LHX1: variants seen among roughly 807,000 people sequenced by gnomAD.
The protein encoded by LHX1 is LIM homeobox 1, also known as LIM/homeobox protein Lhx1.
In LHX1, 9 loss-of-function variants were observed where a neutral mutation model predicts 34.1. The observed-to-expected ratio is 0.26, with a 90% CI of 0.16 to 0.46. The LOEUF is 0.46. LHX1 is among the 20% of genes least tolerant of loss of function. The pLI, the probability that LHX1 is intolerant of heterozygous loss-of-function variation, is 1.00. For missense variants in LHX1, 446 were observed against 559.1 expected, an observed-to-expected ratio of 0.80 and a Z score of 2.04; for synonymous variants, 254 against 241.5, an observed-to-expected ratio of 1.05 and a Z score of -0.48.
intron 3 of LHX1, 37 bp downstream of exon 3, chr17:36,940,924 C>T (rs775817573): frequency 1.3e-6 from 2 of 1,549,284 alleles, no homozygotes; most frequent in Non-Finnish European, 1.7e-6. Flanking sequence ...CCACAGAGGC[C>T]CACACTGCCA....
At position 36,942,353 on chromosome 17, in the gene LHX1, T is replaced by A; in HGVS notation, c.829T>A (p.Ser277Thr). The A allele has an allele frequency of 1.3e-6, 2 of 1,584,890 alleles. No homozygotes were observed. The highest frequency in any genetic ancestry group is 1.7e-6 in the Non-Finnish European group (2 of 1,166,574). Reference protein sequence around the residue: ...PGELIPNGPFSFYGDYQSEYY... With the variant: ...PGELIPNGPFTFYGDYQSEYY... ...CGAGCTCATCCCCAATGGTCCCTTC[T>A]CCTTCTACGGAGGTGGGTGCGCGCC... Residue 277 changes from serine to threonine, a missense_variant, in exon 4 of 5, where the codon TCC becomes ACC. By Grantham distance (58) the Ser-to-Thr change is moderately conservative. Coordinates refer to ENST00000614239, the MANE Select transcript of LHX1 (RefSeq NM_005568.5).
chr17:36,941,826 C>T (rs1406416173), intron 3 of LHX1, among the ~76,000 whole-genome samples: 3 of 152,038 alleles, frequency 2.0e-5, no homozygotes, highest in African/African-American at 2.4e-5. Context: ...TGCAAGAGAC[C>T]GTGAAATGGA....
rs2070757059 is a variant in LHX1 at position 36,940,417 on chromosome 17, A to G, written c.298A>G (p.Thr100Ala). 6.2e-7 allele frequency: 1 copy of G among 1,614,050 alleles called. No homozygotes were observed. Among genetic ancestry groups the G allele is most frequent in the Admixed American group, 1.7e-5 (1 of 60,012 alleles). ...CATGATGTGTAACAAGCAGCTCTCC[A>G]CTGGCGAGGAACTCTACATCATCGA... is the stretch of plus-strand genomic sequence containing the variant. ...TCMMCNKQLS[T>A]GEELYIIDEN... The change falls in exon 2 of 5, where the codon ACT (threonine) becomes GCT (alanine). Residue 100 changes from threonine (T) to alanine (A), a missense_variant. Physicochemically the swap from Thr to Ala is moderately conservative, Grantham distance 58. Transcript: ENST00000614239.
chr17:36,942,324 C>G lies in LHX1; in HGVS notation c.800C>G (p.Pro267Arg). Residue 267 changes from proline to arginine, a missense_variant, in exon 4 of 5, where the codon CCG becomes CGG. This residue lies in a region of LHX1 where 235 missense variants were observed against 224.4 expected (regional missense o/e 1.05). Coordinates refer to ENST00000614239, the MANE Select transcript of LHX1 (RefSeq NM_005568.5). ...CGGCCGCTGGTGGACCGCCTGGAGC[C>G]GGGCGAGCTCATCCCCAATGGTCCC... Reference protein sequence around the residue: ...RMRPLVDRLEPGELIPNGPFS... With the variant: ...RMRPLVDRLERGELIPNGPFS... 6.3e-7 allele frequency: 1 copy of G among 1,590,898 alleles called. No homozygotes were observed. Among genetic ancestry groups the G allele is most frequent in the East Asian group, 2.3e-5 (1 of 43,920 alleles).
intron 1 of LHX1, 31 bp from the exon 2 acceptor site, chr17:36,940,259 G>GA: frequency 3.5e-6 from 1 of 288,514 alleles, no homozygotes; most frequent in Non-Finnish European, 6.3e-6. Context: ...ACCCATCCCC[G>GA]CCCCCGCCCC....
chr17:36,942,821 A>G lies in LHX1; in HGVS notation c.911A>G (p.Gln304Arg). Reference sequence around the variant, plus strand: ...TTCCCGCAAGGCCCCCCGTCCTCGCAGGCCCAGACACCAGTGGACCTACCC... The same window carrying G: ...TTCCCGCAAGGCCCCCCGTCCTCGCGGGCCCAGACACCAGTGGACCTACCC... ...DFFPQGPPSS[Q>R]AQTPVDLPFV... Residue 304 changes from glutamine (Q) to arginine (R), a missense_variant, in exon 5 of 5, where the codon CAG becomes CGG. Coordinates refer to ENST00000614239, the MANE Select transcript of LHX1 (RefSeq NM_005568.5). 6.4e-7 allele frequency: 1 copy of G among 1,561,692 alleles called. No individual in the cohort carries two copies. The highest frequency in any genetic ancestry group is 8.7e-7 in the Non-Finnish European group (1 of 1,150,000).
chr17:36,938,659 C>T (rs2070745427), intron 1 of LHX1: 1 of 536,744 alleles, frequency 1.9e-6, no homozygotes, highest in Admixed American at 3.1e-5. Context: ...AGAGACAGGG[C>T]AGCCTCGGGC....
chr17:36,939,937 G>A (rs2142181100), intron 1 of LHX1: 1 of 464,214 alleles, frequency 2.2e-6, no homozygotes, highest in African/African-American at 2.0e-5. Context: ...GCCCACACAG[G>A]TCACTGCCTT....
At chr17:36,937,318 C>A, upstream of LHX1, 2 of 403,880 alleles carry the variant, frequency 5.0e-6, no homozygotes, top group South Asian at 1.7e-5. Context: ...ACACGGAGGC[C>A]GCCAGGCAGG....
intron 1 of LHX1, 86 bp downstream of exon 1, chr17:36,938,453 G>A (rs1049508303): frequency 1.4e-6 from 2 of 1,395,326 alleles, no homozygotes; most frequent in African/African-American, 1.4e-5. Flanking sequence ...GCGTGGCCTC[G>A]CTGCCCAGTT....
chr17:36,942,127 C>T, intron 3 of LHX1, 73 bp from the exon 4 acceptor site: 1 of 1,489,956 alleles, frequency 6.7e-7, no homozygotes, highest in Non-Finnish European at 9.0e-7. Flanking sequence ...TGAAGGGGTG[C>T]TGGCTAGGCC....
intron 3 of LHX1, 199 bp downstream of exon 3, chr17:36,941,086 C>T: frequency 1.2e-6 from 1 of 849,898 alleles, no homozygotes; most frequent in South Asian, 1.4e-5. Flanking sequence ...TCTTCCCAGC[C>T]CAACAGAGGT....
upstream of LHX1, chr17:36,937,192 T>G (rs1455153431): frequency 4.4e-6 from 2 of 453,212 alleles, no homozygotes; most frequent in Non-Finnish European, 8.9e-6. Flanking sequence ...TGCGGGGCTG[T>G]GCGCCCAGGC....
At chr17:36,940,038 CCGCGTGTA>C in intron 1 of LHX1, 1 of 593,126 alleles carries the variant, frequency 1.7e-6, no homozygotes, top group Non-Finnish European at 3.0e-6. Flanking sequence ...CTGGCTCTAA[CCGCGTGTA>C]TCCCCTCCCT....
rs896181667 is a variant in LHX1, at chr17:36,937,795, G to A, written c.-403G>A. ...GCTTTCCTCGCAACCCGAGCTCGGCGAGTCGTCGTCTTCTTCTTCTCCGTT... is the reference window on the plus strand; with the variant it reads ...GCTTTCCTCGCAACCCGAGCTCGGCAAGTCGTCGTCTTCTTCTTCTCCGTT... On this transcript the variant is annotated 5_prime_UTR_variant, in exon 1 of 5. Coordinates refer to ENST00000614239, the MANE Select transcript of LHX1 (RefSeq NM_005568.5). The A allele has an allele frequency of 1.9e-5, 9 of 479,938 alleles. No individual in the cohort carries two copies. Among genetic ancestry groups the A allele is most frequent in the Admixed American group, 1.6e-4 (7 of 43,140 alleles). The allele number at this position is 479,938 out of a possible 1,614,324, so 29.7% of individuals were successfully genotyped here.
rs745739231 is a variant in LHX1, at chr17:36,937,527, C to G, written c.-671C>G. 1.2e-5 allele frequency: 4 copies of G among 322,262 alleles called. No homozygotes were observed. Among genetic ancestry groups the G allele is most frequent in the Non-Finnish European group, 2.4e-5 (4 of 164,932 alleles). The allele number at this position is 322,262 out of a possible 1,614,324, so 20.0% of individuals were successfully genotyped here. On this transcript the variant is annotated 5_prime_UTR_variant, in exon 1 of 5. Coordinates refer to ENST00000614239, the MANE Select transcript of LHX1 (RefSeq NM_005568.5). ...TTTCCCTTCTCCCGCGGTCGGCCCT[C>G]GCCCCCTCCCCCAGGCCCAGCGCGG...
rs1455121227 is a variant in LHX1, at chr17:36,943,117, G to T, written c.1207G>T (p.Ala403Ser). ...HLSHPPEMNE[A>S]AVW Reference sequence around the variant, plus strand: ...GTCCCACCCCCCCGAAATGAACGAGGCGGCCGTGTGGTAGCGGGGTCTCGC... The same window carrying T: ...GTCCCACCCCCCCGAAATGAACGAGTCGGCCGTGTGGTAGCGGGGTCTCGC... The change falls in exon 5 of 5, where the codon GCG (alanine) becomes TCG (serine). Residue 403 changes from alanine to serine, a missense_variant. By Grantham distance (99) the Ala-to-Ser change is moderately conservative. Coordinates refer to ENST00000614239, the MANE Select transcript of LHX1 (RefSeq NM_005568.5). The T allele has an allele frequency of 6.2e-7, 1 of 1,612,374 alleles. No homozygotes were observed. Among genetic ancestry groups the T allele is most frequent in the South Asian group, 1.1e-5 (1 of 91,026 alleles).
rs1567958596 is a variant in LHX1, at chr17:36,943,505, G to A, written c.*374G>A. The stretch of plus-strand genomic sequence containing the variant: ...GCGGGTGCGCACAGCCGTTGGCGAT[G>A]CCAGGAGCCGTGGGGAGGGAGGCCG... On this transcript the variant is annotated 3_prime_UTR_variant, in exon 5 of 5. Coordinates refer to ENST00000614239, the MANE Select transcript of LHX1 (RefSeq NM_005568.5). 2 of 208,832 alleles carry A rather than the reference G, an allele frequency of 9.6e-6. No homozygotes were observed. Among genetic ancestry groups the A allele is most frequent in the Non-Finnish European group, 9.5e-6 (1 of 105,524 alleles). The allele number at this position is 208,832 out of a possible 1,614,324, so 12.9% of individuals were successfully genotyped here.
intron 1 of LHX1, chr17:36,940,072 C>CGG (rs2070754245): frequency 1.7e-6 from 1 of 603,968 alleles, no homozygotes; most frequent in African/African-American, 1.9e-5. Context: ...TTCCCTGGTG[C>CGG]CGCGCTCTCT....
Sources: gnomAD v4.1 joint callset for allele counts (sites outside exome capture counted in the v4.1 genomes callset) on GRCh38, gnomAD v4.1.1 for gene constraint, gnomAD v4.1.1 regional missense constraint, MANE v1.5 for transcripts, NCBI Gene and HGNC (gene_info 2026-07-23, HGNC 2026-07-21) for gene names.